Variants in FYN observed in about 807,000 individuals in gnomAD.
FYN encodes the protein tyrosine-protein kinase Fyn.
FYN carries 10 observed loss-of-function variants against 70.2 expected under a neutral mutation model. That is an observed-to-expected ratio of 0.14 (90% confidence interval 0.09 to 0.24). The LOEUF (loss-of-function observed/expected upper bound fraction) is 0.24, where lower values mean the gene tolerates loss of function less well. Ranked by LOEUF, FYN falls within the 10% of genes least tolerant of loss-of-function variation. FYN has a pLI of 1.00. For synonymous variants in FYN, 236 were observed against 248.6 expected (o/e 0.95, Z 0.48); for missense variants, 319 against 673.1 (o/e 0.47, Z 5.82).
chr6:111,786,126 T>C (rs1404746557), intron 2 of FYN, among the ~76,000 whole-genome samples: 5 of 152,150 alleles, frequency 3.3e-5, no homozygotes, highest in Non-Finnish European at 5.9e-5. Context: ...TTGTTACATA[T>C]GTATACATGC....
At chr6:111,745,839 A>C (rs868070050) in intron 3 of FYN, among the ~76,000 whole-genome samples, 1 of 152,198 alleles carries the variant, frequency 6.6e-6, no homozygotes, top group Non-Finnish European at 1.5e-5. Context: ...CCCACAATAC[A>C]CTGGGGAGTG....
intron 9 of FYN, 24 bp downstream of exon 9, chr6:111,700,080 G>A (rs748125979): frequency 1.3e-5 from 21 of 1,608,758 alleles, no homozygotes; most frequent in Non-Finnish European, 1.8e-5. Flanking sequence ...AAGCTAATAA[G>A]AGAGTAATTG....
chr6:111,860,908 T>G (rs7770556), intron 1 of FYN, among the ~76,000 whole-genome samples: 52,224 of 152,098 alleles, frequency 0.34, 13,179 homozygotes, highest in African/African-American at 0.72. Flanking sequence ...TGAAAAGAAG[T>G]GTGAGGTATG....
chr6:111,667,058 T>A (rs1281545258), intron 13 of FYN, among the ~76,000 whole-genome samples: 3 of 152,192 alleles, frequency 2.0e-5, no homozygotes, highest in Non-Finnish European at 4.4e-5. Flanking sequence ...GCTGGCTTCC[T>A]CCAGCAAACT....
intron 13 of FYN, among the ~76,000 whole-genome samples, chr6:111,668,441 A>G (rs1026457683): frequency 8.6e-5 from 13 of 152,022 alleles, no homozygotes; most frequent in African/African-American, 3.1e-4. Context: ...GTAACTGAAT[A>G]CACAGGTATT....
At chr6:111,708,606 A>G (rs749961344) in intron 5 of FYN, among the ~76,000 whole-genome samples, 28 of 152,224 alleles carry the variant, frequency 1.8e-4, no homozygotes, top group Non-Finnish European at 3.8e-4. Flanking sequence ...CTCTGCAGGT[A>G]GAATGATGCT....
chr6:111,846,474 C>G (rs1562543343), intron 2 of FYN, 115 bp downstream of exon 2: 1 of 398,234 alleles, frequency 2.5e-6, no homozygotes, highest in Admixed American at 4.4e-5. Context: ...TCTTAGAAAT[C>G]TATGGACTCA....
chr6:111,696,174 C>T, intron 10 of FYN, 103 bp downstream of exon 10: 2 of 1,034,664 alleles, frequency 1.9e-6, no homozygotes, highest in Non-Finnish European at 2.7e-6. Flanking sequence ...ATACTTGACC[C>T]AGGCAGAAAC....
At chr6:111,780,745 C>T (rs762783327) in intron 2 of FYN, 110 bp from the exon 3 acceptor site, 3 of 152,214 alleles carry the variant, frequency 2.0e-5, no homozygotes, top group Non-Finnish European at 2.9e-5. Flanking sequence ...GCTTCGGGCA[C>T]CCATCGATGT....
At position 111,696,302 on chromosome 6, in the gene FYN, G is replaced by A; in HGVS notation, c.1017C>T (p.Tyr339=). ...LYAVVSEEPI[Y]IVTEYMNKGS... The stretch of plus-strand genomic sequence containing the variant: ...CTTTGTTCATATACTCGGTGACGAT[G>A]TAGATGGGCTCCTCAGACACCACTG... The change falls in exon 10 of 14, where the codon TAC becomes TAT. Residue 339 remains tyrosine, a synonymous_variant. Coordinates refer to ENST00000354650, the MANE Select transcript of FYN (RefSeq NM_002037.5). 6.2e-7 allele frequency: 1 copy of A among 1,611,470 alleles called. No homozygotes were observed. Among genetic ancestry groups the A allele is most frequent in the Non-Finnish European group, 8.5e-7 (1 of 1,178,860 alleles).
rs545233049 is a variant in FYN at position 111,782,186 on chromosome 6, C to T, written c.-81-1551G>A. On this transcript the variant is annotated intron_variant, in intron 2 of 13. Transcript: ENST00000354650. ...CTTTATTTTTCTCTTTTTAAAAGTACTTTATTTGATATAGGTACTTTAAAT... is the reference window on the plus strand; with the variant it reads ...CTTTATTTTTCTCTTTTTAAAAGTATTTTATTTGATATAGGTACTTTAAAT... 4.6e-5 allele frequency among the ~76,000 whole-genome samples: 7 copies of T among 152,284 alleles called. No individual in the cohort carries two copies. The South Asian group carries it at 1.4e-3, about 32-fold the overall frequency.
In FYN at chr6:111,719,908, G is replaced by T. The variant is rs1800850513; in HGVS notation, c.144C>A (p.Pro48=). ...HYPSFGVTSI[P]NYNNFHAAGG... is the part of the protein sequence containing the mutation. ...CGGCTGCGTGGAAGTTGTTGTAGTT[G>T]GGGATGGAGGTCACACCGAAGCTGG... Residue 48 remains proline, a synonymous_variant, in exon 4 of 14, where the codon CCC becomes CCA. Coordinates refer to ENST00000354650, the MANE Select transcript of FYN (RefSeq NM_002037.5). 2 of 1,614,082 alleles carry T rather than the reference G, an allele frequency of 1.2e-6. No individual in the cohort carries two copies. Among genetic ancestry groups the T allele is most frequent in the African/African-American group, 2.7e-5 (2 of 74,926 alleles).
intron 2 of FYN, among the ~76,000 whole-genome samples, chr6:111,846,267 G>A (rs935832997): frequency 2.6e-5 from 4 of 152,116 alleles, no homozygotes; most frequent in South Asian, 4.2e-4. Context: ...CCAGCCTGAA[G>A]GCTCCTCAGC....
In FYN at chr6:111,694,708, T is replaced by C. The variant is rs776429653; in HGVS notation, c.1043-4A>G. The C allele has an allele frequency of 9.3e-6, 15 of 1,604,332 alleles. No individual in the cohort carries two copies. Among genetic ancestry groups the C allele is most frequent in the South Asian group, 4.4e-5 (4 of 90,032 alleles). Reference sequence around the variant, plus strand: ...TTTAAGAAATCCAGTAAACTTCCTATGAACAAAACATAAAATCATTTCAAT... The same window carrying C: ...TTTAAGAAATCCAGTAAACTTCCTACGAACAAAACATAAAATCATTTCAAT... On this transcript the variant is annotated splice_region_variant and splice_polypyrimidine_tract_variant and intron_variant, in intron 10 of 13. Transcript: ENST00000354650. The surrounding 1 kb of genome is among the most constrained non-coding windows in gnomAD (Gnocchi z 5.0).
intron 12 of FYN, among the ~76,000 whole-genome samples, chr6:111,682,216 A>G (rs1798809326): frequency 6.6e-6 from 1 of 152,244 alleles, no homozygotes; most frequent in South Asian, 2.1e-4. Flanking sequence ...GTGTCAATAC[A>G]GTGGTGTAAT....
chr6:111,718,940 C>G (rs1437126826), intron 4 of FYN, among the ~76,000 whole-genome samples: 1 of 152,180 alleles, frequency 6.6e-6, no homozygotes, highest in Non-Finnish European at 1.5e-5. Flanking sequence ...AAAAAACTTG[C>G]TAATGCCTTA....
At chr6:111,683,021 T>C (rs1798841782) in intron 12 of FYN, among the ~76,000 whole-genome samples, 1 of 152,244 alleles carries the variant, frequency 6.6e-6, no homozygotes, top group African/African-American at 2.4e-5. Context: ...AAAACCCTCC[T>C]AATCAAAACA....
At chr6:111,770,172 TA>T (rs1175125487) in intron 3 of FYN, among the ~76,000 whole-genome samples, 3 of 152,238 alleles carry the variant, frequency 2.0e-5, no homozygotes, top group Non-Finnish European at 4.4e-5. Context: ...GCTGTAAATG[TA>T]AACTACATAT....
chr6:111,711,032 A>G (rs541570097), intron 5 of FYN, among the ~76,000 whole-genome samples: 2 of 152,294 alleles, frequency 1.3e-5, no homozygotes, highest in South Asian at 4.1e-4. Context: ...AAGACTTGCT[A>G]AAAGATTCTG....
Sources: allele counts gnomAD v4.1 joint callset (sites outside exome capture counted in the v4.1 genomes callset), GRCh38; gene constraint gnomAD v4.1.1; non-coding constraint Gnocchi (gnomAD v3.1); transcripts MANE v1.5; gene names NCBI Gene and HGNC (gene_info 2026-07-23, HGNC 2026-07-21).